Variants in ZFAND3 observed in about 807,000 individuals in gnomAD.
ZFAND3 encodes the protein zinc finger AN1-type containing 3.
ZFAND3 carries 10 observed loss-of-function variants against 29.6 expected under a neutral mutation model. That is an observed-to-expected ratio of 0.34 (90% CI 0.21 to 0.57). The LOEUF (loss-of-function observed/expected upper bound fraction) is 0.57. ZFAND3 is among the 20% of genes least tolerant of loss of function. ZFAND3 has a pLI of 0.86. For synonymous variants in ZFAND3, 128 were observed against 112.6 expected, an observed-to-expected ratio of 1.14 and a Z score of -0.87; for missense variants, 230 against 304.5, an observed-to-expected ratio of 0.76 and a Z score of 1.82.
At chr6:38,055,997 A>G (rs1764127529) in intron 2 of ZFAND3, among the ~76,000 whole-genome samples, 1 of 152,228 alleles carries the variant, frequency 6.6e-6, no homozygotes, top group South Asian at 2.1e-4. Flanking sequence ...GATGATTCTT[A>G]TATACCATAG....
At chr6:38,010,266 G>A (rs1375459764) in intron 2 of ZFAND3, among the ~76,000 whole-genome samples, 1 of 152,148 alleles carries the variant, frequency 6.6e-6, no homozygotes, top group Non-Finnish European at 1.5e-5. Flanking sequence ...TGGGATGTGG[G>A]AAGAGTACGC....
intron 2 of ZFAND3, among the ~76,000 whole-genome samples, chr6:38,057,996 G>A (rs546321330): frequency 2.6e-5 from 4 of 152,150 alleles, no homozygotes; most frequent in Admixed American, 2.0e-4. Context: ...TTAAAAGAAG[G>A]TACACTGTGT....
At chr6:38,030,290 G>C (rs1297397286) in intron 2 of ZFAND3, among the ~76,000 whole-genome samples, 1 of 151,398 alleles carries the variant, frequency 6.6e-6, no homozygotes, top group Non-Finnish European at 1.5e-5. Flanking sequence ...GCTTCCCAAA[G>C]TGTTGGGATT....
chr6:37,848,872 A>G (rs1455926686), intron 1 of ZFAND3, among the ~76,000 whole-genome samples: 2 of 152,202 alleles, frequency 1.3e-5, no homozygotes, highest in Non-Finnish European at 1.5e-5. Context: ...ATAGACAGGC[A>G]TAAGAGAATT....
intron 3 of ZFAND3, among the ~76,000 whole-genome samples, chr6:38,065,900 G>C (rs190403969): frequency 1.2e-3 from 185 of 152,320 alleles, no homozygotes; most frequent in African/African-American, 3.9e-3. Context: ...AGTGTCTGCT[G>C]TATGTTAGAC....
At chr6:37,879,543 G>A (rs1343780011) in intron 1 of ZFAND3, among the ~76,000 whole-genome samples, 1 of 152,062 alleles carries the variant, frequency 6.6e-6, no homozygotes, top group East Asian at 1.9e-4. Context: ...GTATATCTGT[G>A]TACTAGAACC....
chr6:37,945,525 C>T (rs1761886352), intron 2 of ZFAND3, among the ~76,000 whole-genome samples: 1 of 152,120 alleles, frequency 6.6e-6, no homozygotes. Context: ...CCTCCCTGCA[C>T]CACCATGCCC....
At chr6:38,050,582 C>T (rs1344681950) in intron 2 of ZFAND3, among the ~76,000 whole-genome samples, 1 of 152,170 alleles carries the variant, frequency 6.6e-6, no homozygotes, top group South Asian at 2.1e-4. Flanking sequence ...TCTCCTGCCA[C>T]CTTGTGTAGA....
intron 2 of ZFAND3, among the ~76,000 whole-genome samples, chr6:37,941,637 T>C (rs1003484038): frequency 6.6e-6 from 1 of 152,196 alleles, no homozygotes; most frequent in Non-Finnish European, 1.5e-5. Flanking sequence ...GTGTTTAGCT[T>C]CTCAGAAGAA....
intron 2 of ZFAND3, among the ~76,000 whole-genome samples, chr6:37,935,492 C>G (rs902188308): frequency 6.6e-6 from 1 of 152,056 alleles, no homozygotes; most frequent in African/African-American, 2.4e-5. Context: ...CCTCTTAATG[C>G]AGTTTTTCAA....
At chr6:37,984,579 T>C (rs1762634240) in intron 2 of ZFAND3, among the ~76,000 whole-genome samples, 1 of 152,230 alleles carries the variant, frequency 6.6e-6, no homozygotes, top group African/African-American at 2.4e-5. Context: ...TTAAATTGTA[T>C]ATGATTACAT....
chr6:38,116,279 C>T (rs1465173956), intron 4 of ZFAND3, among the ~76,000 whole-genome samples: 7 of 152,176 alleles, frequency 4.6e-5, no homozygotes, highest in Admixed American at 4.6e-4. Flanking sequence ...CTGGAATGGT[C>T]TCCTCATAGA....
At chr6:37,936,039 CCA>C (rs1761692028) in intron 2 of ZFAND3, among the ~76,000 whole-genome samples, 2 of 151,942 alleles carry the variant, frequency 1.3e-5, no homozygotes. Flanking sequence ...TTTTAGTTGA[CCA>C]GTGTTTAATA....
chr6:38,083,642 T>C (rs2127471430), intron 4 of ZFAND3, among the ~76,000 whole-genome samples: 1 of 152,118 alleles, frequency 6.6e-6, no homozygotes, highest in East Asian at 1.9e-4. Context: ...TCTTTTGTTT[T>C]TCCTTCCAAT....
At chr6:37,938,331 G>T (rs1761740521) in intron 2 of ZFAND3, among the ~76,000 whole-genome samples, 1 of 152,098 alleles carries the variant, frequency 6.6e-6, no homozygotes, top group Admixed American at 6.5e-5. Flanking sequence ...AATACTAATA[G>T]TACCTCTTTG....
chr6:38,043,172 C>A (rs2127456871), intron 2 of ZFAND3, among the ~76,000 whole-genome samples: 1 of 152,100 alleles, frequency 6.6e-6, no homozygotes, highest in Middle Eastern at 3.4e-3. Flanking sequence ...ATTTCCTTTT[C>A]TGTTGTTTCT....
intron 1 of ZFAND3, among the ~76,000 whole-genome samples, chr6:37,908,993 C>T (rs1263834227): frequency 6.6e-6 from 1 of 152,040 alleles, no homozygotes; most frequent in African/African-American, 2.4e-5. Context: ...GACATTGTCT[C>T]CTTAGGTTTC....
Position 38,152,712 on chromosome 6 carries a change from A to C in ZFAND3, c.*323A>C, listed in dbSNP as rs966643699. On this transcript the variant is annotated 3_prime_UTR_variant, in exon 6 of 6. Coordinates refer to ENST00000287218, the MANE Select transcript of ZFAND3 (RefSeq NM_021943.3). ...CAAACTTATAAAAAGCCTTAAGTGG[A>C]AAGTGTTCCAGACGGAGACTCTGAG... 1 of 1,049,788 alleles carries C rather than the reference A, an allele frequency of 9.5e-7. No individual in the cohort carries two copies. Among genetic ancestry groups the C allele is most frequent in the African/African-American group, 1.7e-5 (1 of 59,670 alleles). 65.0% of individuals were successfully genotyped at this position (1,049,788 alleles called of 1,614,324 possible).
chr6:38,094,971 A>G (rs1764947743), intron 4 of ZFAND3, among the ~76,000 whole-genome samples: 1 of 152,200 alleles, frequency 6.6e-6, no homozygotes, highest in Non-Finnish European at 1.5e-5. Context: ...ATTTTGTAGC[A>G]TTTTGGATTT....
Sources: gnomAD v4.1 joint callset for allele counts (sites outside exome capture counted in the v4.1 genomes callset) on GRCh38, gnomAD v4.1.1 for gene constraint, MANE v1.5 for transcripts, NCBI Gene and HGNC (gene_info 2026-07-23, HGNC 2026-07-21) for gene names.